The following IVNS1ABP variants were observed in gnomAD, a reference collection of about 807,000 sequenced individuals.
IVNS1ABP encodes influenza virus NS1A binding protein.
IVNS1ABP carries 25 observed loss-of-function variants against 78.9 expected under a neutral mutation model. That is an observed-to-expected ratio of 0.32 (90% CI 0.23 to 0.44). The LOEUF (loss-of-function observed/expected upper bound fraction) is 0.44, where lower values mean the gene tolerates loss of function less well. IVNS1ABP is among the 20% of genes least tolerant of loss of function. The pLI, the probability that IVNS1ABP is intolerant of heterozygous loss-of-function variation, is 1.00. For missense variants in IVNS1ABP, 494 were observed against 768.9 expected, an observed-to-expected ratio of 0.64 and a Z score of 4.23; for synonymous variants, 241 against 259.7, an observed-to-expected ratio of 0.93 and a Z score of 0.69.
chr1:185,301,298 A>G (rs1447774639), intron 9 of IVNS1ABP, 102 bp from the exon 10 acceptor site: 7 of 1,408,516 alleles, frequency 5.0e-6, no homozygotes, highest in Non-Finnish European at 6.9e-6. Context: ...GACTGGAACA[A>G]TCTGCTCTCG....
intron 2 of IVNS1ABP, among the ~76,000 whole-genome samples, chr1:185,310,043 A>T (rs187365386): frequency 6.6e-6 from 1 of 152,266 alleles, no homozygotes; most frequent in Admixed American, 6.5e-5. Flanking sequence ...ATATGCAGAA[A>T]ATTGCCTAAT....
Position 185,309,486 on chromosome 1 carries a change from G to T in IVNS1ABP, c.8C>A (p.Pro3His). 6.3e-7 allele frequency: 1 copy of T among 1,589,274 alleles called. No homozygotes were observed. The highest frequency in any genetic ancestry group is 8.6e-7 in the Non-Finnish European group (1 of 1,161,082). Residue 3 changes from proline to histidine, a missense_variant, in exon 3 of 15, where the codon CCC (proline) becomes CAC (histidine). Coordinates refer to ENST00000367498, the MANE Select transcript of IVNS1ABP (RefSeq NM_006469.5). ...ATCCTCAAACATCAAATATCCATTG[G>T]GAATCATTTTTCCTTATAAATTTGG... MI[P>H]NGYLMFEDEN...
In IVNS1ABP at chr1:185,301,528, T is replaced by C. The variant is rs1665599975; in HGVS notation, c.801A>G (p.Ile267Met). Reference sequence around the variant, plus strand: ...AGAGACATCCAGTTGAACTGCTACTTATCTGCTTATGGCCATTCTCACGTG... The same window carrying C: ...AGAGACATCCAGTTGAACTGCTACTCATCTGCTTATGGCCATTCTCACGTG... ...KPPRENGHKQ[I>M]SSSSTGCLSS... Residue 267 changes from isoleucine to methionine, a missense_variant, in exon 9 of 15, where the codon ATA becomes ATG. Ile to Met is a conservative substitution (Grantham distance 10, BLOSUM62 1). Coordinates refer to ENST00000367498, the MANE Select transcript of IVNS1ABP (RefSeq NM_006469.5). 1 of 1,613,184 alleles carries C rather than the reference T, an allele frequency of 6.2e-7. No individual in the cohort carries two copies. Among genetic ancestry groups the C allele is most frequent in the South Asian group, 1.1e-5 (1 of 91,070 alleles).
Position 185,306,283 on chromosome 1 carries a change from G to A in IVNS1ABP, c.658-640C>T, listed in dbSNP as rs145178537. On this transcript the variant is annotated intron_variant, in intron 7 of 14. Coordinates refer to ENST00000367498, the MANE Select transcript of IVNS1ABP (RefSeq NM_006469.5). ...TGGTAAGCCCTCATAAAGGAACTCCGAAAGGTTTAAGTGGAGAGAGAAACT... is the reference window on the plus strand; with the variant it reads ...TGGTAAGCCCTCATAAAGGAACTCCAAAAGGTTTAAGTGGAGAGAGAAACT... The A allele has an allele frequency of 5.1e-4, 136 of 266,876 alleles. 1 individual carries two copies. Among genetic ancestry groups the A allele is most frequent in the Middle Eastern group, 3.1e-3 (2 of 648 alleles). The allele number at this position is 266,876 out of a possible 1,614,324, so 16.5% of individuals were successfully genotyped here.
At chr1:185,306,747 C>A in intron 7 of IVNS1ABP, 2 of 776,598 alleles carry the variant, frequency 2.6e-6, no homozygotes, top group Non-Finnish European at 3.5e-6. Flanking sequence ...GTACCACTTC[C>A]CATTTCTAAA....
chr1:185,310,430 A>G (rs1384293776), intron 2 of IVNS1ABP, among the ~76,000 whole-genome samples: 3 of 152,116 alleles, frequency 2.0e-5, no homozygotes, highest in Non-Finnish European at 4.4e-5. Flanking sequence ...CAACATGGTG[A>G]AACCCTATCT....
chr1:185,306,783 A>T, intron 7 of IVNS1ABP: 1 of 658,700 alleles, frequency 1.5e-6, no homozygotes, highest in South Asian at 2.2e-5. Flanking sequence ...CTTTAAAGAA[A>T]GTTAACAGCA....
Position 185,298,247 on chromosome 1 carries a change from T to C in IVNS1ABP, c.1717A>G (p.Ile573Val). 6.2e-7 allele frequency: 1 copy of C among 1,613,598 alleles called. No homozygotes were observed. Among genetic ancestry groups the C allele is most frequent in the East Asian group, 2.2e-5 (1 of 44,854 alleles). ...VCGGFDGSHAISCVEMYDPTR... is the reference protein window; with the variant it reads ...VCGGFDGSHAVSCVEMYDPTR... ...GGATCATACATTTCCACACAACTGA[T>C]GGCATGAGAACCATCAAAGCCACCA... is the stretch of plus-strand genomic sequence containing the variant. The change falls in exon 15 of 15, where the codon ATC (isoleucine) becomes GTC (valine). Residue 573 changes from isoleucine to valine, a missense_variant. Ile to Val is a conservative substitution (Grantham distance 29). Coordinates refer to ENST00000367498, the MANE Select transcript of IVNS1ABP (RefSeq NM_006469.5). This position sits in a 1 kb window ranked among gnomAD's most constrained non-coding sequence, Gnocchi z 4.1.
chr1:185,315,249 C>G (rs764220582), intron 1 of IVNS1ABP, among the ~76,000 whole-genome samples: 1 of 152,170 alleles, frequency 6.6e-6, no homozygotes, highest in African/African-American at 2.4e-5. Flanking sequence ...TATTTAAAAA[C>G]GTATTTGCAA....
intron 8 of IVNS1ABP, among the ~76,000 whole-genome samples, chr1:185,304,086 A>G (rs1483944391): frequency 6.6e-6 from 1 of 152,062 alleles, no homozygotes; most frequent in African/African-American, 2.4e-5. Flanking sequence ...AGACTCCTCT[A>G]AATCCTAACA....
Position 185,296,873 on chromosome 1 carries a change from A to C in IVNS1ABP, c.*1162T>G, listed in dbSNP as rs926862490. On this transcript the variant is annotated 3_prime_UTR_variant, in exon 15 of 15. Transcript: ENST00000367498. The stretch of plus-strand genomic sequence containing the variant: ...AACTTTTAGTAATGAATGAGTGTAC[A>C]AGCAGCAATTGGATATTAATCCCAT... The C allele has an allele frequency of 6.6e-6, 1 of 152,194 alleles. No individual in the cohort carries two copies. The highest frequency in any genetic ancestry group is 1.5e-5 in the Non-Finnish European group (1 of 68,028). The allele number at this position is 152,194 out of a possible 1,614,324, so 9.4% of individuals were successfully genotyped here.
intron 8 of IVNS1ABP, among the ~76,000 whole-genome samples, chr1:185,303,250 C>A (rs1438848877): frequency 6.6e-6 from 1 of 151,916 alleles, no homozygotes; most frequent in Non-Finnish European, 1.5e-5. Context: ...TAATAACAAG[C>A]CTAATATAGA....
chr1:185,309,585 T>A, intron 2 of IVNS1ABP, 74 bp from the exon 3 acceptor site: 1 of 747,494 alleles, frequency 1.3e-6, no homozygotes. Context: ...TAAAGAGTAA[T>A]ACAGTCTCTT....
rs968090111 is a variant in IVNS1ABP, at chr1:185,305,852, A to G, written c.658-209T>C. The stretch of plus-strand genomic sequence containing the variant: ...AAACAAAAAACCAAAATCAAATACA[A>G]AATCTTCCAATACTGGCTGAAGAGT... On this transcript the variant is annotated intron_variant, in intron 7 of 14. Coordinates refer to ENST00000367498, the MANE Select transcript of IVNS1ABP (RefSeq NM_006469.5). This position sits in a 1 kb window ranked among gnomAD's most constrained non-coding sequence, Gnocchi z 4.0. 1 of 522,168 alleles carries G rather than the reference A, an allele frequency of 1.9e-6. No individual in the cohort carries two copies. The highest frequency in any genetic ancestry group is 3.2e-5 in the East Asian group (1 of 31,740). 32.3% of individuals were successfully genotyped at this position (522,168 alleles called of 1,614,324 possible).
At position 185,310,870 on chromosome 1, in the gene IVNS1ABP, T is replaced by A. The variant is rs1442783930; in HGVS notation, c.-19+225A>T. On this transcript the variant is annotated intron_variant, in intron 2 of 14. Coordinates refer to ENST00000367498, the MANE Select transcript of IVNS1ABP (RefSeq NM_006469.5). ...TCCAGCCTGGACAACAGAGATCTTA[T>A]CTCTTTAAGGAAAAAAAAAAAGGCA... is the stretch of plus-strand genomic sequence containing the variant. 2.6e-5 allele frequency among the ~76,000 whole-genome samples: 4 copies of A among 151,446 alleles called. No homozygotes were observed. In the East Asian group the frequency reaches 5.8e-4, roughly 22 times the overall value.
intron 1 of IVNS1ABP, among the ~76,000 whole-genome samples, chr1:185,313,185 G>C (rs917144864): frequency 4.6e-5 from 7 of 152,154 alleles, no homozygotes; most frequent in Admixed American, 4.6e-4. Context: ...AAACACTGGA[G>C]AATTTTTGGG....
rs747251588 is a variant in IVNS1ABP, at chr1:185,305,420, C to A, written c.765+116G>T. 4.3e-5 allele frequency: 46 copies of A among 1,065,788 alleles called. No homozygotes were observed. The highest frequency in any genetic ancestry group is 6.2e-5 in the Non-Finnish European group (46 of 740,728). 66.0% of individuals were successfully genotyped at this position (1,065,788 alleles called of 1,614,324 possible). On this transcript the variant is annotated intron_variant, in intron 8 of 14. Coordinates refer to ENST00000367498, the MANE Select transcript of IVNS1ABP (RefSeq NM_006469.5). The surrounding 1 kb of genome is among the most constrained non-coding windows in gnomAD (Gnocchi z 4.0). ...TGTTTTCTCCCAAAAATGTTTCTGT[C>A]CAGTTATACCAATGAAATTGGTCCA...
Position 185,298,341 on chromosome 1 carries a change from A to C in IVNS1ABP, c.1676-53T>G. 1 of 1,500,370 alleles carries C rather than the reference A, an allele frequency of 6.7e-7. No individual in the cohort carries two copies. Among genetic ancestry groups the C allele is most frequent in the Non-Finnish European group, 9.1e-7 (1 of 1,096,242 alleles). The allele number at this position is 1,500,370 out of a possible 1,614,324, so 92.9% of individuals were successfully genotyped here. ...CCAGAGATTAAAGTGTAATAAGGTA[A>C]AACTCCCCTAAATCTGTCTTTTGCT... is the stretch of plus-strand genomic sequence containing the variant. On this transcript the variant is annotated intron_variant, in intron 14 of 14. Transcript: ENST00000367498. This position sits in a 1 kb window ranked among gnomAD's most constrained non-coding sequence, Gnocchi z 4.1.
At chr1:185,314,124 G>T (rs1176578702) in intron 1 of IVNS1ABP, among the ~76,000 whole-genome samples, 4 of 152,138 alleles carry the variant, frequency 2.6e-5, no homozygotes, top group Admixed American at 6.5e-5. Context: ...ATTTTTAAAG[G>T]AAAGACTTTA....
Sources: allele counts gnomAD v4.1 joint callset (sites outside exome capture counted in the v4.1 genomes callset), GRCh38; gene constraint gnomAD v4.1.1; non-coding constraint Gnocchi (gnomAD v3.1); transcripts MANE v1.5; gene names NCBI Gene and HGNC (gene_info 2026-07-23, HGNC 2026-07-21).